The following PCSK5 variants were observed in gnomAD, a reference collection of about 807,000 sequenced individuals.
PCSK5 encodes prohormone convertase 5.
In PCSK5, 129 loss-of-function variants were observed where a neutral mutation model predicts 233.2. The ratio of observed to expected loss-of-function variants is 0.55; its 90% CI spans 0.48 to 0.64. PCSK5 has a LOEUF of 0.64. Among genes scored for constraint, PCSK5 ranks in the 30% least tolerant of loss-of-function variants. The pLI is 0.00. For missense variants in PCSK5, 2,076 were observed against 2,430.1 expected, an observed-to-expected ratio of 0.85 and a Z score of 3.06; for synonymous variants, 825 against 879.2, an observed-to-expected ratio of 0.94 and a Z score of 1.09.
intron 24 of PCSK5, among the ~76,000 whole-genome samples, chr9:76,289,515 CAT>C (rs1362829472): frequency 0.025 from 1,857 of 73,740 alleles, 21 homozygotes; most frequent in Non-Finnish European, 0.031. Context: ...ACACACGCAA[CAT>C]ACACACACAC....
intron 7 of PCSK5, among the ~76,000 whole-genome samples, chr9:76,085,622 G>A (rs780051112): frequency 6.6e-6 from 1 of 152,174 alleles, no homozygotes; most frequent in South Asian, 2.1e-4. Flanking sequence ...AGCATAATTT[G>A]TTTTAATTAA....
At chr9:75,992,370 G>T (rs1826805602) in intron 3 of PCSK5, among the ~76,000 whole-genome samples, 1 of 152,222 alleles carries the variant, frequency 6.6e-6, no homozygotes, top group South Asian at 2.1e-4. Context: ...GAATTCAACA[G>T]TTGGGCTATT....
chr9:75,974,455 C>T (rs1166032564), intron 2 of PCSK5, among the ~76,000 whole-genome samples: 2 of 152,140 alleles, frequency 1.3e-5, no homozygotes, highest in Non-Finnish European at 2.9e-5. Flanking sequence ...AATGCCAATC[C>T]CTTTCCCTTT....
intron 14 of PCSK5, among the ~76,000 whole-genome samples, chr9:76,176,644 T>C (rs1404694785): frequency 1.3e-5 from 2 of 152,222 alleles, no homozygotes; most frequent in Non-Finnish European, 2.9e-5. Flanking sequence ...TAATTTTATG[T>C]AGTTTTCTTC....
At chr9:75,895,359 G>A (rs2131183570) in intron 1 of PCSK5, among the ~76,000 whole-genome samples, 1 of 152,284 alleles carries the variant, frequency 6.6e-6, no homozygotes, top group East Asian at 1.9e-4. Context: ...TGAATCTGAG[G>A]AGAAAGGTCA....
intron 9 of PCSK5, among the ~76,000 whole-genome samples, chr9:76,120,551 G>A (rs10781336): frequency 0.47 from 71,501 of 151,684 alleles, 17,236 homozygotes; most frequent in Admixed American, 0.52. Context: ...GGAGTAGCAA[G>A]TATTTGTTTG....
At chr9:76,295,762 C>A (rs1289570468) in intron 26 of PCSK5, among the ~76,000 whole-genome samples, 2 of 152,168 alleles carry the variant, frequency 1.3e-5, no homozygotes, top group Non-Finnish European at 2.9e-5. Context: ...GAGACTTAAT[C>A]CATCTTATAT....
intron 35 of PCSK5, among the ~76,000 whole-genome samples, chr9:76,341,741 A>T (rs951683): frequency 0.39 from 59,021 of 151,794 alleles, 12,006 homozygotes; most frequent in East Asian, 0.74. Flanking sequence ...CATTAACTCT[A>T]ACCCTGTCTT....
rs150619165 is a variant in PCSK5, at chr9:76,128,961, G to A, written c.1209-5148G>A. On this transcript the variant is annotated intron_variant, in intron 9 of 37. Transcript: ENST00000674117. ...CCCCCAGTGGCAGATACTCCTGCTC[G>A]CAGTGGGACTGACAATCTGATGATC... Among the ~76,000 whole-genome samples, 465 of 152,292 alleles carry A rather than the reference G, an allele frequency of 3.1e-3. 4 individuals are homozygous for A. Among genetic ancestry groups the A allele is most frequent in the African/African-American group, 0.01 (436 of 41,566 alleles).
At chr9:76,176,047 G>A (rs955654839) in intron 14 of PCSK5, among the ~76,000 whole-genome samples, 4 of 151,588 alleles carry the variant, frequency 2.6e-5, no homozygotes, top group Admixed American at 6.6e-5. Context: ...TAGAGGCTGG[G>A]GTTTATGGTC....
chr9:76,179,471 CCT>C (rs1823751768), intron 14 of PCSK5, 123 bp from the exon 15 acceptor site: 1 of 616,342 alleles, frequency 1.6e-6, no homozygotes, highest in Non-Finnish European at 2.8e-6. Context: ...GACAATTATT[CCT>C]CTGTCTTAAA....
rs755705917 is a variant in PCSK5 at position 76,332,527 on chromosome 9, A to AGG, written c.4667_4668dup (p.Arg1557GlyfsTer17). ...GCCACAGCTCTTGCAGGACATGTGA[A>AGG]GGGAGACACAGCAGGCAGTGCCACT... On this transcript the variant is annotated frameshift_variant, in exon 34 of 38. Coordinates refer to ENST00000674117, the MANE Select transcript of PCSK5 (RefSeq NM_001372043.1). LOFTEE classifies it high-confidence loss of function. 1.2e-6 allele frequency: 2 copies of AGG among 1,612,766 alleles called. No homozygotes were observed. Among genetic ancestry groups the AGG allele is most frequent in the Admixed American group, 1.7e-5 (1 of 60,022 alleles).
intron 1 of PCSK5, among the ~76,000 whole-genome samples, chr9:75,905,609 C>T (rs1452890820): frequency 2.0e-5 from 3 of 152,174 alleles, no homozygotes; most frequent in Non-Finnish European, 4.4e-5. Context: ...GGATCCCTAA[C>T]CCCCAGGCCA....
intron 3 of PCSK5, among the ~76,000 whole-genome samples, chr9:75,992,986 T>G (rs1826839238): frequency 6.6e-6 from 1 of 152,154 alleles, no homozygotes; most frequent in African/African-American, 2.4e-5. Flanking sequence ...CCCATGGCTT[T>G]TTCTCAGCCA....
intron 2 of PCSK5, among the ~76,000 whole-genome samples, chr9:75,936,112 C>G (rs1824044766): frequency 6.6e-6 from 1 of 152,120 alleles, no homozygotes; most frequent in East Asian, 1.9e-4. Context: ...AATGTACATA[C>G]CTTAATTAAA....
chr9:76,185,994 T>C lies in PCSK5; in HGVS notation c.2282+1237T>C, dbSNP rs555134785. 2.6e-5 allele frequency among the ~76,000 whole-genome samples: 4 copies of C among 152,298 alleles called. No individual in the cohort carries two copies. The South Asian group carries it at 6.2e-4, about 24-fold the overall frequency. Reference sequence around the variant, plus strand: ...CATTGTATAGAGTATGTTAAACCAGTGCATGCCGGTAGAAACATGAGAGCC... The same window carrying C: ...CATTGTATAGAGTATGTTAAACCAGCGCATGCCGGTAGAAACATGAGAGCC... On this transcript the variant is annotated intron_variant, in intron 17 of 37. Coordinates refer to ENST00000674117, the MANE Select transcript of PCSK5 (RefSeq NM_001372043.1).
chr9:76,171,792 C>T (rs1412760778), intron 13 of PCSK5, among the ~76,000 whole-genome samples: 4 of 152,144 alleles, frequency 2.6e-5, no homozygotes, highest in South Asian at 2.1e-4. Flanking sequence ...TTACGCCAGA[C>T]GAGAGATACC....
chr9:76,137,339 A>T (rs1823029226), intron 10 of PCSK5, among the ~76,000 whole-genome samples: 1 of 152,100 alleles, frequency 6.6e-6, no homozygotes, highest in African/African-American at 2.4e-5. Context: ...AGCACTCTGT[A>T]AATGACCCTG....
At chr9:75,975,543 CTG>C (rs1825980865) in intron 2 of PCSK5, among the ~76,000 whole-genome samples, 1 of 152,134 alleles carries the variant, frequency 6.6e-6, no homozygotes, top group Non-Finnish European at 1.5e-5. Flanking sequence ...TTTCTCTACT[CTG>C]TACAAAATAA....
Sources: gnomAD v4.1 joint callset for allele counts (sites outside exome capture counted in the v4.1 genomes callset) on GRCh38, gnomAD v4.1.1 for gene constraint, MANE v1.5 for transcripts, NCBI Gene and HGNC (gene_info 2026-07-23, HGNC 2026-07-21) for gene names.